GNG7: variants seen among roughly 807,000 people sequenced by gnomAD.
The protein encoded by GNG7 is guanine nucleotide-binding protein G(I)/G(S)/G(O) subunit gamma-7.
In GNG7, 1 loss-of-function variant was observed where a neutral mutation model predicts 4.0. The observed-to-expected ratio is 0.25, with a 90% CI of 0.09 to 1.18. The LOEUF (loss-of-function observed/expected upper bound fraction) is 1.18. Among genes scored for constraint, GNG7 ranks in the 50% most tolerant of loss-of-function variants. The probability of loss-of-function intolerance (pLI) is 0.50; values close to 1 mark genes in which losing one functional copy is unlikely to be tolerated. For missense variants in GNG7, 86 were observed against 91.9 expected, an observed-to-expected ratio of 0.94 and a Z score of 0.26; for synonymous variants, 34 against 36.9, an observed-to-expected ratio of 0.92 and a Z score of 0.29.
intron 2 of GNG7, among the ~76,000 whole-genome samples, chr19:2,579,444 T>G (rs1327281491): frequency 1.3e-5 from 2 of 151,894 alleles, no homozygotes; most frequent in African/African-American, 2.4e-5. Flanking sequence ...GATAGCAGAG[T>G]CAACAGGGCG....
intron 1 of GNG7, among the ~76,000 whole-genome samples, chr19:2,691,792 G>A (rs1471613209): frequency 1.3e-5 from 2 of 151,550 alleles, no homozygotes; most frequent in Non-Finnish European, 2.9e-5. Context: ...GCTTGAACCC[G>A]GGAGGCGGAG....
intron 2 of GNG7, among the ~76,000 whole-genome samples, chr19:2,630,533 A>C (rs8113476): frequency 0.21 from 31,158 of 151,958 alleles, 6,148 homozygotes; most frequent in African/African-American, 0.52. Flanking sequence ...GAGAAGGCCA[A>C]GTGGCCTGAG....
chr19:2,512,731 G>T lies in GNG7; in HGVS notation c.*2291C>A. 1 of 234,114 alleles carries T rather than the reference G, an allele frequency of 4.3e-6. No homozygotes were observed. The highest frequency in any genetic ancestry group is 7.0e-6 in the Non-Finnish European group (1 of 143,050). 14.5% of individuals were successfully genotyped at this position (234,114 alleles called of 1,614,324 possible). A position where few individuals can be genotyped will look rare whatever the true frequency, so the allele number is the denominator to read the frequency against. On this transcript the variant is annotated 3_prime_UTR_variant, in exon 5 of 5. Coordinates refer to ENST00000382159, the MANE Select transcript of GNG7 (RefSeq NM_052847.3). The surrounding 1 kb of genome is among the most constrained non-coding windows in gnomAD (Gnocchi z 4.7). Reference sequence around the variant, plus strand: ...CCTCTGCCCTGGCAGCGGGGGCTCGGGGATTAAGGCCTCTTTTAAGGAAAA... The same window carrying T: ...CCTCTGCCCTGGCAGCGGGGGCTCGTGGATTAAGGCCTCTTTTAAGGAAAA...
At position 2,512,250 on chromosome 19, in the gene GNG7, C is replaced by G; in HGVS notation, c.*2772G>C. ...ACGCCCATAAAACATGCGTTCACCC[C>G]AGGGATTCCCGGCAGAAAAGCACAT... On this transcript the variant is annotated 3_prime_UTR_variant, in exon 5 of 5. Coordinates refer to ENST00000382159, the MANE Select transcript of GNG7 (RefSeq NM_052847.3). The surrounding 1 kb of genome is among the most constrained non-coding windows in gnomAD (Gnocchi z 4.7). 2.0e-6 allele frequency: 2 copies of G among 985,904 alleles called. No homozygotes were observed. The highest frequency in any genetic ancestry group is 2.4e-6 in the Non-Finnish European group (2 of 829,958). The allele number at this position is 985,904 out of a possible 1,614,324, so 61.1% of individuals were successfully genotyped here.
intron 2 of GNG7, among the ~76,000 whole-genome samples, chr19:2,616,976 T>A (rs1981740807): frequency 6.6e-6 from 1 of 152,064 alleles, no homozygotes; most frequent in Admixed American, 6.6e-5. Context: ...TGAATGAAAG[T>A]GTCTTGGAAT....
rs777997419 is a variant in GNG7, at chr19:2,556,512, AC to A, written c.-77-1325del. On this transcript the variant is annotated intron_variant, in intron 2 of 4. Coordinates refer to ENST00000382159, the MANE Select transcript of GNG7 (RefSeq NM_052847.3). ...TCCACAAACCAATGGGTTTTTTTCC[AC>A]CGACACAAAGAAGAGCCACATGGCT... Among the ~76,000 whole-genome samples the A allele has an allele frequency of 6.6e-5, 10 of 151,744 alleles. 1 individual carries two copies. The South Asian group carries it at 2.1e-3, about 32-fold the overall frequency.
intron 3 of GNG7, among the ~76,000 whole-genome samples, chr19:2,547,910 C>T (rs1006642870): frequency 4.6e-5 from 7 of 152,336 alleles, no homozygotes; most frequent in African/African-American, 1.2e-4. Context: ...GTAGGCCCAC[C>T]CCTCTGGGCT....
chr19:2,562,125 C>T (rs954866845), intron 2 of GNG7, among the ~76,000 whole-genome samples: 1 of 152,140 alleles, frequency 6.6e-6, no homozygotes, highest in African/African-American at 2.4e-5. Context: ...CATTCACGCC[C>T]TCCACCCACT....
rs139169665 is a variant in GNG7 at position 2,689,987 on chromosome 19, A to T, written c.-135+12659T>A. 2.9e-3 allele frequency among the ~76,000 whole-genome samples: 446 copies of T among 152,290 alleles called. 5 individuals carry two copies. The highest frequency in any genetic ancestry group is 0.01 in the African/African-American group (432 of 41,566). On this transcript the variant is annotated intron_variant, in intron 1 of 4. Transcript: ENST00000382159. ...TTCTGGACACTAAAATCTGAATGCCATATAATTGTCATGTGTCATGGCCTT... is the reference window on the plus strand; with the variant it reads ...TTCTGGACACTAAAATCTGAATGCCTTATAATTGTCATGTGTCATGGCCTT...
At chr19:2,575,847 A>G (rs1257578655) in intron 2 of GNG7, among the ~76,000 whole-genome samples, 1 of 147,626 alleles carries the variant, frequency 6.8e-6, no homozygotes, top group Non-Finnish European at 1.5e-5. Flanking sequence ...AGGCACACGC[A>G]GACACGCAGG....
Position 2,575,077 on chromosome 19 carries a change from TTTTC to T in GNG7, c.-77-19893_-77-19890del, listed in dbSNP as rs923537723. On this transcript the variant is annotated intron_variant, in intron 2 of 4. Transcript: ENST00000382159. ...TTTCTTTTTTCTTTTTCTTTCCTTT[TTTTC>T]TTTCTTTCTTTTTTTTTTTTTTAGA... Among the ~76,000 whole-genome samples the T allele has an allele frequency of 2.0e-4, 29 of 146,088 alleles. 1 individual carries two copies. Among genetic ancestry groups the T allele is most frequent in the East Asian group, 3.9e-4 (2 of 5,166 alleles).
chr19:2,632,479 C>CACAT (rs1334839418), intron 2 of GNG7: 1 of 117,928 alleles, frequency 8.5e-6, no homozygotes, highest in African/African-American at 5.3e-5. Context: ...AAAACTCACA[C>CACAT]ACACACACAC....
In GNG7 at chr19:2,604,512, CGAGG is replaced by C. The variant is rs796272619; in HGVS notation, c.-78+41708_-78+41711del. On this transcript the variant is annotated intron_variant, in intron 2 of 4. Transcript: ENST00000382159. ...GAATGAAAGGAAGGAAGGAAGGAAGCGAGGGAGGGAGGGAGGGAGGGAGCGAGGG... is the reference window on the plus strand; with the variant it reads ...GAATGAAAGGAAGGAAGGAAGGAAGCGAGGGAGGGAGGGAGGGAGCGAGGG... Among the ~76,000 whole-genome samples, 326 of 49,314 alleles carry C rather than the reference CGAGG, an allele frequency of 6.6e-3. 3 individuals carry two copies. The highest frequency in any genetic ancestry group is 0.018 in the Admixed American group (57 of 3,128). 32.4% of individuals were successfully genotyped at this position (49,314 alleles called of 152,430 possible). A position where few individuals can be genotyped will look rare whatever the true frequency, so the allele number is the denominator to read the frequency against.
intron 1 of GNG7, among the ~76,000 whole-genome samples, chr19:2,691,598 G>A (rs1289238396): frequency 6.6e-6 from 1 of 151,480 alleles, no homozygotes; most frequent in Non-Finnish European, 1.5e-5. Flanking sequence ...CGGGCGTGGT[G>A]GCTCACGCCT....
At chr19:2,693,431 GA>G (rs906803774) in intron 1 of GNG7, among the ~76,000 whole-genome samples, 1 of 141,446 alleles carries the variant, frequency 7.1e-6, no homozygotes, top group Non-Finnish European at 1.6e-5. Flanking sequence ...AAAAAAAAAA[GA>G]AAGAAAGAAA....
Position 2,561,880 on chromosome 19 carries a change from T to TA in GNG7, c.-77-6693dup, listed in dbSNP as rs566730945. 6.0e-5 allele frequency among the ~76,000 whole-genome samples: 9 copies of TA among 150,682 alleles called. No homozygotes were observed. The South Asian group carries it at 6.3e-4, about 11-fold the overall frequency. On this transcript the variant is annotated intron_variant, in intron 2 of 4. Transcript: ENST00000382159. The stretch of plus-strand genomic sequence containing the variant: ...TGGGTGACAAGAGCAAAACTCTGTC[T>TA]AAAAAAAAAGAAATGACACTGGCTT...
intron 1 of GNG7, among the ~76,000 whole-genome samples, chr19:2,662,267 A>G (rs1380003462): frequency 6.9e-6 from 1 of 145,152 alleles, no homozygotes; most frequent in Non-Finnish European, 1.5e-5. Context: ...CTCAAAAAAA[A>G]AAAAAAAAAA....
rs1234540246 is a variant in GNG7 at position 2,614,951 on chromosome 19, C to T, written c.-78+31273G>A. Among the ~76,000 whole-genome samples the T allele has an allele frequency of 6.6e-6, 1 of 152,194 alleles. No homozygotes were observed. Among genetic ancestry groups the T allele is most frequent in the Non-Finnish European group, 1.5e-5 (1 of 68,034 alleles). On this transcript the variant is annotated intron_variant, in intron 2 of 4. Coordinates refer to ENST00000382159, the MANE Select transcript of GNG7 (RefSeq NM_052847.3). This position sits in a 1 kb window ranked among gnomAD's most constrained non-coding sequence, Gnocchi z 6.0. ...TCAGCTTTTAAACAAGGCACTGAGG[C>T]AGGAGGCAGGCAGCTGATTGTTGAA...
At chr19:2,566,471 G>A (rs1979912366) in intron 2 of GNG7, among the ~76,000 whole-genome samples, 2 of 152,310 alleles carry the variant, frequency 1.3e-5, no homozygotes, top group South Asian at 4.1e-4. Context: ...TGTGGACCTT[G>A]TACGAGCACC....
Sources: gnomAD v4.1 joint callset for allele counts (sites outside exome capture counted in the v4.1 genomes callset) on GRCh38, gnomAD v4.1.1 for gene constraint, Gnocchi (gnomAD v3.1) non-coding constraint, MANE v1.5 for transcripts, NCBI Gene and HGNC (gene_info 2026-07-23, HGNC 2026-07-21) for gene names.